Variants in PRIM2 observed in about 807,000 individuals in gnomAD.
The protein encoded by PRIM2 is DNA primase large subunit.
In PRIM2, 39 loss-of-function variants were observed where a neutral mutation model predicts 67.3. The ratio of observed to expected loss-of-function variants is 0.58; its 90% CI spans 0.45 to 0.76. The LOEUF is 0.76. Ranked by LOEUF, PRIM2 falls within the 30% of genes least tolerant of loss-of-function variation. The pLI is 0.00. For synonymous variants in PRIM2, 143 were observed against 198.7 expected, an observed-to-expected ratio of 0.72 and a Z score of 2.36; for missense variants, 398 against 598.7, an observed-to-expected ratio of 0.66 and a Z score of 3.50.
At chr6:57,328,090 G>C (rs1402173811) in intron 5 of PRIM2, among the ~76,000 whole-genome samples, 1 of 152,170 alleles carries the variant, frequency 6.6e-6, no homozygotes, top group Non-Finnish European at 1.5e-5. Flanking sequence ...GTGCAGCCTG[G>C]TTCCTAATGG....
chr6:57,508,283 G>A (rs1774290987), intron 8 of PRIM2, among the ~76,000 whole-genome samples: 6 of 151,288 alleles, frequency 4.0e-5, no homozygotes. Flanking sequence ...TTTACTTAGT[G>A]TTGAAATTAT....
At chr6:57,269,457 C>A in the PRIM2 span, among the ~76,000 whole-genome samples, 1 of 152,066 alleles carries the variant, frequency 6.6e-6, no homozygotes, top group Non-Finnish European at 1.5e-5. Flanking sequence ...TGTTCATGTC[C>A]TTTGCCCACT....
intron 7 of PRIM2, among the ~76,000 whole-genome samples, chr6:57,407,092 T>G (rs1455755358): frequency 2.0e-5 from 3 of 151,968 alleles, no homozygotes; most frequent in Non-Finnish European, 4.4e-5. Flanking sequence ...CCGAATGTTA[T>G]CTTCTTTAAC....
chr6:57,341,534 G>T (rs1768490552), intron 5 of PRIM2, among the ~76,000 whole-genome samples: 2 of 152,134 alleles, frequency 1.3e-5, no homozygotes, highest in South Asian at 4.1e-4. Context: ...TTGAATTCAG[G>T]TGCTGTTGAT....
At chr6:57,282,730 T>C in the PRIM2 span, among the ~76,000 whole-genome samples, 1 of 152,218 alleles carries the variant, frequency 6.6e-6, no homozygotes, top group Non-Finnish European at 1.5e-5. Flanking sequence ...AAGACAGCCA[T>C]CTGTAAGCTA....
chr6:57,418,383 GTTTTTTTT>G (rs34491627), intron 7 of PRIM2, among the ~76,000 whole-genome samples: 1,498 of 47,242 alleles, frequency 0.032, 166 homozygotes, highest in African/African-American at 0.085. Context: ...TATGTGTGTG[GTTTTTTTT>G]TTTTTTTTTT....
chr6:57,335,040 C>A (rs536894425), intron 5 of PRIM2, among the ~76,000 whole-genome samples: 1 of 152,332 alleles, frequency 6.6e-6, no homozygotes, highest in South Asian at 2.1e-4. Context: ...GAGGCATTGC[C>A]TCACTCGGGA....
intron 10 of PRIM2, among the ~76,000 whole-genome samples, chr6:57,591,088 C>T (rs1424210134): frequency 6.6e-6 from 1 of 152,102 alleles, no homozygotes; most frequent in Non-Finnish European, 1.5e-5. Context: ...CTAATGATCT[C>T]TAAGAGTTAA....
chr6:57,392,477 A>G (rs1030158952), intron 7 of PRIM2, among the ~76,000 whole-genome samples: 6 of 152,040 alleles, frequency 3.9e-5, no homozygotes, highest in African/African-American at 1.4e-4. Flanking sequence ...AAGTTTTGCA[A>G]TAGCCAAAAA....
chr6:57,637,461 G>A lies in PRIM2; in HGVS notation c.1299+5260G>A, dbSNP rs1376345009. On this transcript the variant is annotated intron_variant, in intron 13 of 13. Coordinates refer to ENST00000615550, the MANE Select transcript of PRIM2 (RefSeq NM_000947.5). The stretch of plus-strand genomic sequence containing the variant: ...AAGGTGGATAATAACAACCTCCTCC[G>A]AACTAAAGGAGCATGTTCTAACCCA... Among the ~76,000 whole-genome samples the A allele has an allele frequency of 5.2e-4, 79 of 152,118 alleles. 3 individuals are homozygous for A. In the South Asian group the frequency reaches 0.015, roughly 29 times the overall value.
At chr6:57,615,518 T>C (rs1295365904) in intron 12 of PRIM2, among the ~76,000 whole-genome samples, 1 of 152,220 alleles carries the variant, frequency 6.6e-6, no homozygotes, top group Non-Finnish European at 1.5e-5. Context: ...AAGAAGTTTT[T>C]TCTATTGTGG....
intron 10 of PRIM2, among the ~76,000 whole-genome samples, chr6:57,574,122 G>A (rs1775918552): frequency 6.6e-6 from 1 of 152,080 alleles, no homozygotes; most frequent in African/African-American, 2.4e-5. Flanking sequence ...AACCTGCACT[G>A]TGGCCTATGA....
chr6:57,442,236 T>C (rs1772222394), intron 7 of PRIM2, among the ~76,000 whole-genome samples: 1 of 152,212 alleles, frequency 6.6e-6, no homozygotes, highest in Non-Finnish European at 1.5e-5. Context: ...TCTTAGGGCC[T>C]CTGTTTGTCC....
chr6:57,293,205 T>C, the PRIM2 span, among the ~76,000 whole-genome samples: 52 of 152,152 alleles, frequency 3.4e-4, no homozygotes, highest in Admixed American at 2.4e-3. Flanking sequence ...CAAAAGAAGA[T>C]ATTTATGCAG....
intron 4 of PRIM2, among the ~76,000 whole-genome samples, chr6:57,325,118 G>A (rs1470796860): frequency 1.3e-5 from 2 of 151,950 alleles, no homozygotes; most frequent in Non-Finnish European, 2.9e-5. Flanking sequence ...TGGTATATAT[G>A]TGCATATTAA....
chr6:57,607,357 A>G (rs1358890363), intron 12 of PRIM2, among the ~76,000 whole-genome samples: 2 of 152,114 alleles, frequency 1.3e-5, no homozygotes, highest in Non-Finnish European at 2.9e-5. Flanking sequence ...CTGCTACCAC[A>G]AAACCAGTGT....
chr6:57,324,561 G>A (rs1767779345), intron 4 of PRIM2, among the ~76,000 whole-genome samples: 2 of 152,086 alleles, frequency 1.3e-5, no homozygotes, highest in African/African-American at 2.4e-5. Context: ...GATTTTATTG[G>A]GAAGAAGGAC....
intron 5 of PRIM2, among the ~76,000 whole-genome samples, chr6:57,366,411 G>T (rs984371225): frequency 6.6e-6 from 1 of 152,120 alleles, no homozygotes; most frequent in African/African-American, 2.4e-5. Flanking sequence ...GTGTAGTGGG[G>T]ATAATGGAGT....
At chr6:57,278,642 T>C in the PRIM2 span, among the ~76,000 whole-genome samples, 1 of 152,174 alleles carries the variant, frequency 6.6e-6, no homozygotes, top group African/African-American at 2.4e-5. Context: ...CACAATATAA[T>C]ACACAATCAG....
Sources: gnomAD v4.1 joint callset for allele counts (sites outside exome capture counted in the v4.1 genomes callset) on GRCh38, gnomAD v4.1.1 for gene constraint, MANE v1.5 for transcripts, NCBI Gene and HGNC (gene_info 2026-07-23, HGNC 2026-07-21) for gene names.